Variants in BLTP1 observed in about 807,000 individuals in gnomAD.
BLTP1 encodes the protein bridge-like lipid transfer protein family member 1, also known as fragile site-associated protein.
chr4:122,290,798 A>G, the BLTP1 span: 1 of 129,116 alleles, frequency 7.7e-6, no homozygotes, highest in African/African-American at 3.1e-5. Context: ...AAAAAAAAAA[A>G]AAAAAAAAAA....
At chr4:122,252,403 GGT>G in the BLTP1 span, among the ~76,000 whole-genome samples, 1 of 151,996 alleles carries the variant, frequency 6.6e-6, no homozygotes, top group African/African-American at 2.4e-5. Context: ...ACCTGCCCTG[GGT>G]CAGCAGGGAG....
chr4:122,175,266 TCTATA>T, the BLTP1 span: 3 of 984,610 alleles, frequency 3.0e-6, no homozygotes, highest in East Asian at 1.1e-4. Context: ...GGAGACAACT[TCTATA>T]CTAGTCTAAA....
At chr4:122,343,026 C>G in the BLTP1 span, among the ~76,000 whole-genome samples, 899 of 152,252 alleles carry the variant, frequency 5.9e-3, 5 homozygotes, top group African/African-American at 0.021. Flanking sequence ...AATGTGGACT[C>G]CAAGTATATG....
chr4:122,187,503 T>C, the BLTP1 span: 1 of 1,612,102 alleles, frequency 6.2e-7, no homozygotes, highest in South Asian at 1.1e-5. Context: ...TAAAGGTCAA[T>C]GTGAGCACAG....
chr4:122,189,923 C>T, the BLTP1 span: 67 of 1,514,444 alleles, frequency 4.4e-5, no homozygotes, highest in Middle Eastern at 1.1e-3. Context: ...TCACCTATTG[C>T]CAGCATTAAC....
At chr4:122,175,203 T>C in the BLTP1 span, 1 of 984,904 alleles carries the variant, frequency 1.0e-6, no homozygotes, top group Non-Finnish European at 1.2e-6. Flanking sequence ...AAGTTTTGAA[T>C]TAATTGAGAG....
the BLTP1 span, chr4:122,154,260 C>T: frequency 1.1e-6 from 1 of 927,974 alleles, no homozygotes; most frequent in African/African-American, 1.9e-5. Context: ...ACTGCAAGCT[C>T]CACCTCCCGG....
At chr4:122,164,358 T>C in the BLTP1 span, 1 of 962,066 alleles carries the variant, frequency 1.0e-6, no homozygotes, top group Admixed American at 6.2e-5. Flanking sequence ...TACACGCCAG[T>C]TGTAAAACAA....
At chr4:122,196,627 T>C in the BLTP1 span, 3 of 1,599,332 alleles carry the variant, frequency 1.9e-6, no homozygotes, top group East Asian at 6.7e-5. Context: ...TCTACCTCCT[T>C]AATGTAGAGA....
At chr4:122,234,708 GTT>G in the BLTP1 span, 1 of 1,505,458 alleles carries the variant, frequency 6.6e-7, no homozygotes, top group Non-Finnish European at 8.9e-7. Flanking sequence ...CTATCAAAAA[GTT>G]TTTCATTTCT....
the BLTP1 span, among the ~76,000 whole-genome samples, chr4:122,291,545 A>G: frequency 1.7e-4 from 26 of 152,244 alleles, no homozygotes; most frequent in African/African-American, 5.8e-4. Context: ...GTTCATAACA[A>G]TCATCAAGTT....
At chr4:122,188,160 CCTTTTA>C in the BLTP1 span, 1 of 1,284,628 alleles carries the variant, frequency 7.8e-7, no homozygotes, top group Non-Finnish European at 1.0e-6. Context: ...ACTTTAACAT[CCTTTTA>C]CTTTTTTTGC....
At chr4:122,255,916 A>G in the BLTP1 span, 1 of 230,560 alleles carries the variant, frequency 4.3e-6, no homozygotes. Context: ...ATGTCTTGGA[A>G]GCTAAAGGTA....
chr4:122,287,844 C>A, the BLTP1 span: 1 of 338,396 alleles, frequency 3.0e-6, no homozygotes, highest in Non-Finnish European at 4.2e-6. Context: ...TAAAGTGTAT[C>A]CCACTTGTAC....
the BLTP1 span, among the ~76,000 whole-genome samples, chr4:122,169,270 A>T: frequency 2.5e-4 from 38 of 152,228 alleles, no homozygotes; most frequent in African/African-American, 8.2e-4. Flanking sequence ...TTGTTTTGTG[A>T]TGTCCAAAGA....
the BLTP1 span, among the ~76,000 whole-genome samples, chr4:122,163,450 T>G: frequency 6.6e-6 from 1 of 152,176 alleles, no homozygotes; most frequent in Non-Finnish European, 1.5e-5. Flanking sequence ...GCAAGCTGAG[T>G]GTGTCCTTGC....
At chr4:122,354,023 A>C in the BLTP1 span, 2 of 1,612,278 alleles carry the variant, frequency 1.2e-6, no homozygotes, top group Non-Finnish European at 1.7e-6. Context: ...TGAAGGTTAA[A>C]ATTTTGAGTC....
At chr4:122,298,304 G>A in the BLTP1 span, 1 of 671,124 alleles carries the variant, frequency 1.5e-6, no homozygotes, top group Non-Finnish European at 1.8e-6. Flanking sequence ...CCTGCACCAT[G>A]CTCTTGCCTA....
At chr4:122,224,466 A>G in the BLTP1 span, 1 of 1,587,018 alleles carries the variant, frequency 6.3e-7, no homozygotes, top group East Asian at 2.2e-5. Context: ...ATTTTCTTAT[A>G]CATTTTACAG....
Sources: allele counts gnomAD v4.1 joint callset (sites outside exome capture counted in the v4.1 genomes callset), GRCh38; gene constraint gnomAD v4.1.1; transcripts MANE v1.5; gene names NCBI Gene and HGNC (gene_info 2026-07-23, HGNC 2026-07-21).